SNTG1: variants seen among roughly 807,000 people sequenced by gnomAD.
SNTG1 encodes gamma-1-syntrophin.
A neutral mutation model predicts 74.7 loss-of-function variants in SNTG1; 39 were observed. The ratio of observed to expected loss-of-function variants is 0.52; its 90% CI spans 0.40 to 0.68. The LOEUF (loss-of-function observed/expected upper bound fraction) is 0.68. SNTG1 is among the 30% of genes least tolerant of loss of function. The pLI, the probability that SNTG1 is intolerant of heterozygous loss-of-function variation, is 0.00. For missense variants in SNTG1, 685 were observed against 609.5 expected, an observed-to-expected ratio of 1.12 and a Z score of -1.30; for synonymous variants, 254 against 217.1, an observed-to-expected ratio of 1.17 and a Z score of -1.49.
chr8:50,474,487 C>G (rs1208529804), intron 8 of SNTG1, among the ~76,000 whole-genome samples: 1 of 152,040 alleles, frequency 6.6e-6, no homozygotes, highest in African/African-American at 2.4e-5. Flanking sequence ...TGCTCATCAT[C>G]ACTGGCCATC....
At chr8:50,366,671 G>T (rs2092119179) in intron 2 of SNTG1, among the ~76,000 whole-genome samples, 1 of 145,216 alleles carries the variant, frequency 6.9e-6, no homozygotes. Context: ...AATAATATAG[G>T]CCTATATTAT....
rs568011369 is a variant in SNTG1 at position 50,067,129 on chromosome 8, G to A, written c.-102-105432G>A. ...CCTTCTCTTATGAAAGACATCAAAG[G>A]TCTATGTGATTTTGCATTTAGTATT... On this transcript the variant is annotated intron_variant, in intron 1 of 18. Transcript: ENST00000642720. Among the ~76,000 whole-genome samples, 6 of 152,186 alleles carry A rather than the reference G, an allele frequency of 3.9e-5. No homozygotes were observed. The South Asian group carries it at 1.2e-3, about 32-fold the overall frequency.
intron 1 of SNTG1, among the ~76,000 whole-genome samples, chr8:50,020,565 G>A (rs763785813): frequency 2.0e-5 from 3 of 152,000 alleles, no homozygotes; most frequent in Non-Finnish European, 4.4e-5. Flanking sequence ...AATAATGATT[G>A]TCTAATTCAT....
At chr8:50,292,174 A>G (rs2089148240) in intron 2 of SNTG1, among the ~76,000 whole-genome samples, 1 of 152,194 alleles carries the variant, frequency 6.6e-6, no homozygotes, top group African/African-American at 2.4e-5. Context: ...GACATGTCAG[A>G]GAGTCATGTG....
intron 9 of SNTG1, among the ~76,000 whole-genome samples, chr8:50,516,552 A>T (rs2094135516): frequency 6.6e-6 from 1 of 152,190 alleles, no homozygotes; most frequent in East Asian, 1.9e-4. Context: ...ACCTTTAAAA[A>T]AAGGTTAGAG....
At chr8:50,243,179 T>TTAA (rs10660763) in intron 2 of SNTG1, among the ~76,000 whole-genome samples, 136,933 of 151,962 alleles carry the variant, frequency 0.9, 62,942 homozygotes, top group East Asian at 1. Flanking sequence ...CTGAATTATC[T>TTAA]TATATATTTG....
chr8:50,566,330 AC>A (rs1349353993), intron 12 of SNTG1, among the ~76,000 whole-genome samples: 2 of 152,024 alleles, frequency 1.3e-5, no homozygotes, highest in African/African-American at 4.8e-5. Context: ...AAACCAGGTC[AC>A]TGAATCCTGA....
chr8:50,688,804 G>T (rs1023926030), intron 15 of SNTG1, among the ~76,000 whole-genome samples: 1 of 151,824 alleles, frequency 6.6e-6, no homozygotes, highest in African/African-American at 2.4e-5. Flanking sequence ...AAAGTCATTG[G>T]TAGCTTGATG....
intron 2 of SNTG1, among the ~76,000 whole-genome samples, chr8:50,386,087 A>G (rs2092569674): frequency 6.6e-6 from 1 of 152,184 alleles, no homozygotes; most frequent in African/African-American, 2.4e-5. Context: ...GGCCTTTCCC[A>G]TAGCAACAGC....
In SNTG1 at chr8:50,618,993, A is replaced by G. The variant is rs549856308; in HGVS notation, c.849+28076A>G. 2.0e-5 allele frequency among the ~76,000 whole-genome samples: 3 copies of G among 152,180 alleles called. No homozygotes were observed. In the East Asian group the frequency reaches 5.8e-4, roughly 29 times the overall value. On this transcript the variant is annotated intron_variant, in intron 13 of 18. Transcript: ENST00000642720. ...CTGCCCAAGGACAATCACTATAAAC[A>G]TGCATTTTCCCTAGTCTGTCTTGTG... is the stretch of plus-strand genomic sequence containing the variant.
chr8:50,057,589 G>C (rs1820133493), intron 1 of SNTG1, among the ~76,000 whole-genome samples: 2 of 152,192 alleles, frequency 1.3e-5, no homozygotes, highest in South Asian at 4.1e-4. Flanking sequence ...CTGTAAAATG[G>C]AGGTGATATG....
intron 9 of SNTG1, among the ~76,000 whole-genome samples, chr8:50,508,687 T>G (rs2094033458): frequency 6.6e-6 from 1 of 152,256 alleles, no homozygotes; most frequent in South Asian, 2.1e-4. Context: ...TGAGCATTTT[T>G]TCATTTGTCT....
chr8:50,486,818 A>G (rs938816271), intron 8 of SNTG1, among the ~76,000 whole-genome samples: 10 of 151,970 alleles, frequency 6.6e-5, no homozygotes, highest in African/African-American at 2.2e-4. Context: ...ATTTTGAAAT[A>G]TGTCCCATCA....
intron 2 of SNTG1, among the ~76,000 whole-genome samples, chr8:50,249,069 A>G (rs1172173636): frequency 2.6e-5 from 4 of 152,044 alleles, no homozygotes; most frequent in Admixed American, 2.0e-4. Context: ...CTCCTACTAG[A>G]TCAGATCACA....
At chr8:50,771,622 A>G (rs900206754) in intron 18 of SNTG1, among the ~76,000 whole-genome samples, 1 of 147,726 alleles carries the variant, frequency 6.8e-6, no homozygotes, top group African/African-American at 2.7e-5. Flanking sequence ...AGTAGTTGCT[A>G]AAGAGATTAG....
intron 1 of SNTG1, among the ~76,000 whole-genome samples, chr8:49,923,989 C>T (rs1261944300): frequency 6.6e-6 from 1 of 152,072 alleles, no homozygotes; most frequent in Non-Finnish European, 1.5e-5. Flanking sequence ...TCTTGGATTG[C>T]TAAAGCAATA....
At chr8:50,750,705 T>C (rs1461754177) in intron 17 of SNTG1, among the ~76,000 whole-genome samples, 1 of 152,006 alleles carries the variant, frequency 6.6e-6, no homozygotes, top group Non-Finnish European at 1.5e-5. Flanking sequence ...TTTTTAGTAA[T>C]AAATTATATT....
At chr8:50,581,827 G>A (rs2094611824) in intron 12 of SNTG1, among the ~76,000 whole-genome samples, 1 of 152,152 alleles carries the variant, frequency 6.6e-6, no homozygotes, top group Admixed American at 6.5e-5. Context: ...AAGTGTTCTT[G>A]GCAGAGCATC....
At position 50,755,356 on chromosome 8, in the gene SNTG1, T is replaced by C. The variant is rs540018708; in HGVS notation, c.1395+3245T>C. On this transcript the variant is annotated intron_variant, in intron 18 of 18. Transcript: ENST00000642720. ...AATGTCATATAGTTGGATCATACAA[T>C]AGTTACCCTTTTCATATTGGCTTAT... Among the ~76,000 whole-genome samples the C allele has an allele frequency of 6.6e-5, 10 of 151,672 alleles. No individual in the cohort carries two copies. In the East Asian group the frequency reaches 1.8e-3, roughly 27 times the overall value.
Sources: gnomAD v4.1 joint callset for allele counts (sites outside exome capture counted in the v4.1 genomes callset) on GRCh38, gnomAD v4.1.1 for gene constraint, MANE v1.5 for transcripts, NCBI Gene and HGNC (gene_info 2026-07-23, HGNC 2026-07-21) for gene names.